The following GNB1 variants were observed in gnomAD, a reference collection of about 807,000 sequenced individuals.
The protein encoded by GNB1 is G protein subunit beta 1.
GNB1 carries 2 observed loss-of-function variants against 42.9 expected under a neutral mutation model. The observed-to-expected ratio is 0.05, with a 90% confidence interval of 0.02 to 0.15. The LOEUF (loss-of-function observed/expected upper bound fraction) is 0.15. GNB1 is among the 10% of genes least tolerant of loss of function. GNB1 has a pLI of 1.00. For synonymous variants in GNB1, 183 were observed against 174.7 expected, an observed-to-expected ratio of 1.05 and a Z score of -0.38; for missense variants, 193 against 462.2, an observed-to-expected ratio of 0.42 and a Z score of 5.34.
At chr1:1,889,591 C>A (rs1254622562) in intron 1 of GNB1, among the ~76,000 whole-genome samples, 1 of 150,312 alleles carries the variant, frequency 6.7e-6, no homozygotes, top group Non-Finnish European at 1.5e-5. Flanking sequence ...GCGGGAGGAT[C>A]GCTTGAGCCC....
chr1:1,824,152 A>G (rs1166760714), intron 3 of GNB1, among the ~76,000 whole-genome samples: 1 of 152,238 alleles, frequency 6.6e-6, no homozygotes, highest in African/African-American at 2.4e-5. Flanking sequence ...AAACCTAAAA[A>G]CATACTGAAG....
intron 1 of GNB1, among the ~76,000 whole-genome samples, chr1:1,864,066 T>G (rs1648779045): frequency 6.6e-6 from 1 of 151,844 alleles, no homozygotes; most frequent in East Asian, 1.9e-4. Context: ...CTCACACCTG[T>G]AATCCCAGCA....
intron 2 of GNB1, 181 bp from the exon 3 acceptor site, chr1:1,825,680 C>T (rs956472548): frequency 4.6e-5 from 18 of 390,768 alleles, no homozygotes; most frequent in Non-Finnish European, 6.7e-5. Flanking sequence ...CTGGCTAACA[C>T]GGTCAAACCC....
intron 1 of GNB1, among the ~76,000 whole-genome samples, chr1:1,886,442 C>T (rs1019671442): frequency 2.0e-5 from 3 of 152,180 alleles, no homozygotes; most frequent in Non-Finnish European, 4.4e-5. Context: ...GTGCTCTGTC[C>T]CTCTCCCAGA....
At chr1:1,875,233 C>T (rs1320906638) in intron 1 of GNB1, among the ~76,000 whole-genome samples, 2 of 151,852 alleles carry the variant, frequency 1.3e-5, no homozygotes, top group Non-Finnish European at 2.9e-5. Context: ...GCTCTGCCTA[C>T]CAGTCTGGAG....
chr1:1,857,122 T>C (rs1648347949), intron 1 of GNB1, among the ~76,000 whole-genome samples: 1 of 152,258 alleles, frequency 6.6e-6, no homozygotes, highest in Admixed American at 6.5e-5. Context: ...TCATTAATTC[T>C]AGAAATGGAA....
At chr1:1,881,984 T>C (rs116426298) in intron 1 of GNB1, among the ~76,000 whole-genome samples, 1,927 of 152,218 alleles carry the variant, frequency 0.013, 43 homozygotes, top group African/African-American at 0.044. Context: ...CTCAAAGCTT[T>C]TTTTAATGAG....
chr1:1,824,626 G>A (rs931276785), intron 3 of GNB1, among the ~76,000 whole-genome samples: 1 of 151,904 alleles, frequency 6.6e-6, no homozygotes, highest in African/African-American at 2.4e-5. Context: ...AGGTTGGAGT[G>A]CAGTGGCACA....
chr1:1,881,247 C>G (rs536941152), intron 1 of GNB1, among the ~76,000 whole-genome samples: 1 of 152,170 alleles, frequency 6.6e-6, no homozygotes, highest in South Asian at 2.1e-4. Flanking sequence ...CAGGTCTTAT[C>G]AATCGTCAAC....
intron 4 of GNB1, among the ~76,000 whole-genome samples, chr1:1,816,070 C>T (rs966213832): frequency 1.3e-5 from 2 of 152,202 alleles, no homozygotes; most frequent in African/African-American, 4.8e-5. Flanking sequence ...TCATCAGGAA[C>T]CTGTGTGCCC....
intron 1 of GNB1, among the ~76,000 whole-genome samples, chr1:1,856,888 G>A (rs1648334709): frequency 6.6e-6 from 1 of 152,158 alleles, no homozygotes; most frequent in Non-Finnish European, 1.5e-5. Flanking sequence ...CAAGAAAAAG[G>A]CTCTTGTACT....
intron 1 of GNB1, among the ~76,000 whole-genome samples, chr1:1,872,172 T>C (rs991948073): frequency 3.3e-5 from 5 of 152,056 alleles, no homozygotes; most frequent in African/African-American, 1.2e-4. Flanking sequence ...CAGCTAATTT[T>C]TTCTTTTAAG....
intron 8 of GNB1, among the ~76,000 whole-genome samples, chr1:1,791,454 C>A (rs1646480484): frequency 6.6e-6 from 1 of 152,220 alleles, no homozygotes; most frequent in Non-Finnish European, 1.5e-5. Flanking sequence ...GGATTACAGG[C>A]ATGAGCCACC....
intron 1 of GNB1, among the ~76,000 whole-genome samples, chr1:1,884,554 T>C (rs1247400538): frequency 6.6e-6 from 1 of 151,956 alleles, no homozygotes; most frequent in African/African-American, 2.4e-5. Flanking sequence ...TCGGCAGAAG[T>C]TGAGTGTCTG....
chr1:1,798,245 G>C (rs946787574), intron 7 of GNB1, among the ~76,000 whole-genome samples: 5 of 152,210 alleles, frequency 3.3e-5, no homozygotes, highest in African/African-American at 1.2e-4. Flanking sequence ...AAGATACTGG[G>C]GCTGGTAACA....
chr1:1,848,366 A>C (rs1248362318), intron 1 of GNB1, among the ~76,000 whole-genome samples: 1 of 151,222 alleles, frequency 6.6e-6, no homozygotes, highest in Non-Finnish European at 1.5e-5. Context: ...GCAAAAAAAA[A>C]AAAAAAAAGA....
chr1:1,815,691 T>C (rs1479097516), intron 5 of GNB1, 65 bp downstream of exon 5: 2 of 869,730 alleles, frequency 2.3e-6, no homozygotes, highest in South Asian at 2.8e-5. Context: ...CAGGTACTTT[T>C]CCCCTAGGAC....
chr1:1,816,731 C>A (rs1438425269), intron 4 of GNB1, among the ~76,000 whole-genome samples: 1 of 148,844 alleles, frequency 6.7e-6, no homozygotes, highest in Non-Finnish European at 1.5e-5. Context: ...TCACTGCAAC[C>A]TCTGCCTCCC....
intron 3 of GNB1, among the ~76,000 whole-genome samples, chr1:1,823,267 A>T (rs892935384): frequency 2.0e-5 from 3 of 150,638 alleles, no homozygotes; most frequent in African/African-American, 4.9e-5. Flanking sequence ...AAAAAAAAAA[A>T]TCTGATTTCT....
Sources: allele counts gnomAD v4.1 joint callset (sites outside exome capture counted in the v4.1 genomes callset), GRCh38; gene constraint gnomAD v4.1.1; transcripts MANE v1.5; gene names NCBI Gene and HGNC (gene_info 2026-07-23, HGNC 2026-07-21).